Variants in ABCG8 observed in about 807,000 individuals in gnomAD.
ABCG8 encodes ATP binding cassette subfamily G member 8, also known as ATP-binding cassette sub-family G member 8.
In ABCG8, 81 loss-of-function variants were observed where a neutral mutation model predicts 71.3. That is an observed-to-expected ratio of 1.14 (90% CI 0.95 to 1.37). The LOEUF is 1.37. Among genes scored for constraint, ABCG8 ranks in the 40% most tolerant of loss-of-function variants. The pLI, the probability that ABCG8 is intolerant of heterozygous loss-of-function variation, is 0.00. For missense variants in ABCG8, 1,119 were observed against 866.2 expected (o/e 1.29, Z -3.66); for synonymous variants, 451 against 354.7 (o/e 1.27, Z -3.05).
chr2:43,848,883 G>A (rs1287625672), intron 3 of ABCG8, among the ~76,000 whole-genome samples: 6 of 151,972 alleles, frequency 3.9e-5, no homozygotes, highest in Admixed American at 6.5e-5. Context: ...TTAGCTGGGC[G>A]TGGTGGCACG....
At chr2:43,845,098 G>GTATATATA (rs5830773) in intron 2 of ABCG8, among the ~76,000 whole-genome samples, 1 of 130,136 alleles carries the variant, frequency 7.7e-6, no homozygotes, top group African/African-American at 2.8e-5. Flanking sequence ...GTGTGTGTGT[G>GTATATATA]TATATATATA....
intron 6 of ABCG8, among the ~76,000 whole-genome samples, chr2:43,860,763 A>T (rs1247377501): frequency 6.6e-6 from 1 of 151,228 alleles, no homozygotes; most frequent in Non-Finnish European, 1.5e-5. Flanking sequence ...CTCTGGATAG[A>T]ACTCTCACTA....
intron 6 of ABCG8, among the ~76,000 whole-genome samples, chr2:43,857,059 A>T (rs60173388): frequency 6.6e-6 from 1 of 151,606 alleles, no homozygotes; most frequent in African/African-American, 2.4e-5. Context: ...AACTGTCTGG[A>T]TAGAATTCTC....
chr2:43,843,637 G>C (rs1239243161), intron 1 of ABCG8, among the ~76,000 whole-genome samples: 2 of 152,144 alleles, frequency 1.3e-5, no homozygotes, highest in African/African-American at 2.4e-5. Flanking sequence ...CTGGGTGATA[G>C]AGCGAGACCC....
chr2:43,851,953 C>A, intron 4 of ABCG8, 131 bp downstream of exon 4: 1 of 1,056,428 alleles, frequency 9.5e-7, no homozygotes, highest in East Asian at 2.4e-5. Context: ...TGCCTTCCGC[C>A]AGCCCTGGGC....
chr2:43,869,954 G>T (rs997997087), intron 6 of ABCG8, among the ~76,000 whole-genome samples: 10 of 151,808 alleles, frequency 6.6e-5, no homozygotes, highest in African/African-American at 2.4e-4. Context: ...TGTCGATCAC[G>T]TTGGAATTCT....
intron 6 of ABCG8, among the ~76,000 whole-genome samples, chr2:43,870,565 C>A (rs1249152368): frequency 6.6e-6 from 1 of 151,722 alleles, no homozygotes. Context: ...GGGTAGAATT[C>A]GCTCCGTCGT....
intron 9 of ABCG8, 103 bp from the exon 10 acceptor site, chr2:43,874,304 A>AAT: frequency 9.5e-7 from 1 of 1,052,802 alleles, no homozygotes; most frequent in Non-Finnish European, 1.5e-6. Context: ...AGACTTGGGC[A>AAT]ATATGATAAC....
intron 1 of ABCG8, among the ~76,000 whole-genome samples, chr2:43,841,716 C>A (rs191687574): frequency 1.9e-4 from 29 of 152,260 alleles, no homozygotes; most frequent in African/African-American, 6.7e-4. Flanking sequence ...CTTCCTCTTA[C>A]CCAGTTTCTG....
chr2:43,881,945 G>A lies in ABCG8; in HGVS notation c.*4032G>A, dbSNP rs984077935. 4.6e-5 allele frequency: 7 copies of A among 152,110 alleles called. No homozygotes were observed. The highest frequency in any genetic ancestry group is 1.4e-4 in the African/African-American group (6 of 41,418). The allele number at this position is 152,110 out of a possible 1,614,324, so 9.4% of individuals were successfully genotyped here. A position where few individuals can be genotyped will look rare whatever the true frequency, so the allele number is the denominator to read the frequency against. ...GAGAGCAGCTGTAGACTATAGTAACGTACAGCCGGTGTGGCTGTCTTCTAA... is the reference window on the plus strand; with the variant it reads ...GAGAGCAGCTGTAGACTATAGTAACATACAGCCGGTGTGGCTGTCTTCTAA... On this transcript the variant is annotated 3_prime_UTR_variant, in exon 13 of 13. Coordinates refer to ENST00000272286, the MANE Select transcript of ABCG8 (RefSeq NM_022437.3).
chr2:43,855,606 A>C (rs185744406), intron 6 of ABCG8, among the ~76,000 whole-genome samples: 1 of 151,344 alleles, frequency 6.6e-6, no homozygotes, highest in African/African-American at 2.4e-5. Flanking sequence ...AGATAGAATT[A>C]TCACTCTCTG....
chr2:43,848,779 G>T (rs1411009823), intron 3 of ABCG8, among the ~76,000 whole-genome samples: 1 of 152,088 alleles, frequency 6.6e-6, no homozygotes, highest in Non-Finnish European at 1.5e-5. Context: ...ACTTTGGGAG[G>T]CTGAGGCAAG....
Position 43,882,943 on chromosome 2 carries a change from T to C in ABCG8, c.*5030T>C, listed in dbSNP as rs953351341. ...TATTCTTGTTTCCCCAAACTGCTAA[T>C]AAGCTCTACTGACCCATGCTAAAAA... is the stretch of plus-strand genomic sequence containing the variant. On this transcript the variant is annotated 3_prime_UTR_variant, in exon 13 of 13. Coordinates refer to ENST00000272286, the MANE Select transcript of ABCG8 (RefSeq NM_022437.3). 6.6e-6 allele frequency: 1 copy of C among 152,258 alleles called. No homozygotes were observed. Among genetic ancestry groups the C allele is most frequent in the African/African-American group, 2.4e-5 (1 of 41,460 alleles). The allele number at this position is 152,258 out of a possible 1,614,324, so 9.4% of individuals were successfully genotyped here.
At chr2:43,874,556 A>C in intron 10 of ABCG8, 73 bp downstream of exon 10, 1 of 1,293,470 alleles carries the variant, frequency 7.7e-7, no homozygotes, top group Non-Finnish European at 1.1e-6. Flanking sequence ...AAACGTTGCT[A>C]CAAGGAAGGC....
chr2:43,863,694 C>T (rs1413992874), intron 6 of ABCG8, among the ~76,000 whole-genome samples: 1 of 151,622 alleles, frequency 6.6e-6, no homozygotes, highest in Non-Finnish European at 1.5e-5. Context: ...AGAACTCTCA[C>T]TATCTGTCTG....
rs1334731063 is a variant in ABCG8, at chr2:43,873,188, CA to C, written c.1212-598del. On this transcript the variant is annotated intron_variant, in intron 8 of 12. Transcript: ENST00000272286. Reference sequence around the variant, plus strand: ...GAGGCAGCAGACATCATTGAGCGTACATTTTTTTTTTTTTTTTTAACACAGA... The same window carrying C: ...GAGGCAGCAGACATCATTGAGCGTACTTTTTTTTTTTTTTTTTAACACAGA... Among the ~76,000 whole-genome samples the C allele has an allele frequency of 9.3e-4, 130 of 140,524 alleles. 1 individual carries two copies. Among genetic ancestry groups the C allele is most frequent in the Non-Finnish European group, 1.5e-3 (96 of 64,764 alleles). 92.2% of individuals were successfully genotyped at this position (140,524 alleles called of 152,430 possible). A position where few individuals can be genotyped will look rare whatever the true frequency, so the allele number is the denominator to read the frequency against.
In ABCG8 at chr2:43,865,343, A is replaced by G. The variant is rs565610933; in HGVS notation, c.965-6633A>G. Among the ~76,000 whole-genome samples, 5 of 147,762 alleles carry G rather than the reference A, an allele frequency of 3.4e-5. 1 individual carries two copies. Among genetic ancestry groups the G allele is most frequent in the African/African-American group, 1.3e-4 (5 of 39,902 alleles). On this transcript the variant is annotated intron_variant, in intron 6 of 12. Transcript: ENST00000272286. ...CACTATCTATCTGGATAGAATTCTC[A>G]CCCTCTGGATAGAACTCTTACTATC...
rs749514686 is a variant in ABCG8, at chr2:43,851,627, T to G, written c.366T>G (p.Gly122=). Residue 122 remains glycine, a synonymous_variant, in exon 4 of 13, where the codon GGT becomes GGG. Coordinates refer to ENST00000272286, the MANE Select transcript of ABCG8 (RefSeq NM_022437.3). ...TGCTAGATGTGATCACTGGCCGAGG[T>G]CACGGCGGCAAGATCAAGTCAGGCC... ...ASLLDVITGR[G]HGGKIKSGQI... is the part of the protein sequence containing the mutation. The G allele has an allele frequency of 6.2e-7, 1 of 1,614,044 alleles. No individual in the cohort carries two copies. The highest frequency in any genetic ancestry group is 8.5e-7 in the Non-Finnish European group (1 of 1,180,048).
intron 6 of ABCG8, among the ~76,000 whole-genome samples, chr2:43,853,216 C>T (rs1668988251): frequency 6.6e-6 from 1 of 152,186 alleles, no homozygotes; most frequent in Admixed American, 6.5e-5. Context: ...GTCAAGAAGT[C>T]ACCAGATCTT....
Sources: allele counts gnomAD v4.1 joint callset (sites outside exome capture counted in the v4.1 genomes callset), GRCh38; gene constraint gnomAD v4.1.1; transcripts MANE v1.5; gene names NCBI Gene and HGNC (gene_info 2026-07-23, HGNC 2026-07-21).